BMAL2: variants seen among roughly 807,000 people sequenced by gnomAD.
BMAL2 encodes basic helix-loop-helix ARNT like 2.
the BMAL2 span, among the ~76,000 whole-genome samples, chr12:27,419,923 A>T: frequency 2.0e-5 from 3 of 152,136 alleles, no homozygotes; most frequent in Non-Finnish European, 4.4e-5. Flanking sequence ...CCAAATCTTT[A>T]GAAGATGCTT....
the BMAL2 span, among the ~76,000 whole-genome samples, chr12:27,419,335 G>T: frequency 6.6e-6 from 1 of 152,182 alleles, no homozygotes; most frequent in Non-Finnish European, 1.5e-5. Context: ...CAAGAGTATA[G>T]TGCAGGCATC....
the BMAL2 span, among the ~76,000 whole-genome samples, chr12:27,354,580 A>T: frequency 5.7e-4 from 87 of 152,228 alleles, no homozygotes; most frequent in Middle Eastern, 6.8e-3. Context: ...AATGAGATTT[A>T]AAAAAAACCC....
chr12:27,333,157 G>C, the BMAL2 span: 1 of 1,200,068 alleles, frequency 8.3e-7, no homozygotes, highest in Non-Finnish European at 1.0e-6. Context: ...GGCGTCTGAC[G>C]CGCTGGGGGC....
the BMAL2 span, among the ~76,000 whole-genome samples, chr12:27,388,721 G>A: frequency 6.6e-6 from 1 of 152,154 alleles, no homozygotes; most frequent in Non-Finnish European, 1.5e-5. Flanking sequence ...GGAATGGGAA[G>A]TGAGAGGTAT....
At chr12:27,406,575 A>G in the BMAL2 span, among the ~76,000 whole-genome samples, 1 of 152,240 alleles carries the variant, frequency 6.6e-6, no homozygotes, top group Non-Finnish European at 1.5e-5. Context: ...GGACTGCCTT[A>G]CAAGAGCTCC....
chr12:27,410,140 G>A, the BMAL2 span, among the ~76,000 whole-genome samples: 1 of 151,826 alleles, frequency 6.6e-6, no homozygotes, highest in African/African-American at 2.4e-5. Flanking sequence ...CTTTTACACT[G>A]TTGGTGGGAC....
chr12:27,353,794 A>G, the BMAL2 span, among the ~76,000 whole-genome samples: 28 of 152,358 alleles, frequency 1.8e-4, no homozygotes, highest in Admixed American at 1.6e-3. Context: ...GAAGACATAC[A>G]TGCAGCCAAC....
At chr12:27,351,657 G>A in the BMAL2 span, among the ~76,000 whole-genome samples, 316 of 152,246 alleles carry the variant, frequency 2.1e-3, no homozygotes, top group African/African-American at 7.0e-3. Context: ...ATTATTCAAA[G>A]TAGCCAATTC....
the BMAL2 span, chr12:27,333,285 G>C: frequency 1.7e-6 from 1 of 574,692 alleles, no homozygotes; most frequent in Admixed American, 4.9e-5. Flanking sequence ...TGGGGCACAG[G>C]TGCGGCGCGG....
At chr12:27,385,516 C>T in the BMAL2 span, 1 of 1,606,754 alleles carries the variant, frequency 6.2e-7, no homozygotes, top group Non-Finnish European at 8.5e-7. Flanking sequence ...TAATTATAGA[C>T]CATCATTTCT....
At chr12:27,348,788 A>T in the BMAL2 span, among the ~76,000 whole-genome samples, 7,408 of 152,304 alleles carry the variant, frequency 0.049, 451 homozygotes, top group East Asian at 0.34. Flanking sequence ...TGTGTCTGGG[A>T]TTGTGTTAAG....
chr12:27,389,535 T>C, the BMAL2 span, among the ~76,000 whole-genome samples: 1 of 152,176 alleles, frequency 6.6e-6, no homozygotes, highest in Non-Finnish European at 1.5e-5. Context: ...ATATGAGTGC[T>C]TCATATTTGC....
the BMAL2 span, chr12:27,402,670 A>T: frequency 6.2e-7 from 1 of 1,611,312 alleles, no homozygotes; most frequent in Non-Finnish European, 8.5e-7. Flanking sequence ...GCTCTCAATC[A>T]TCAGAAGGTA....
chr12:27,374,426 C>T, the BMAL2 span, among the ~76,000 whole-genome samples: 5 of 152,088 alleles, frequency 3.3e-5, no homozygotes, highest in South Asian at 8.3e-4. Context: ...GGAGGATGTG[C>T]ATAGGTTGTA....
At chr12:27,413,023 G>T in the BMAL2 span, among the ~76,000 whole-genome samples, 6 of 148,794 alleles carry the variant, frequency 4.0e-5, no homozygotes, top group East Asian at 7.8e-4. Context: ...AGCCAAACAA[G>T]AATACTACAT....
chr12:27,348,451 C>T, the BMAL2 span, among the ~76,000 whole-genome samples: 2 of 151,236 alleles, frequency 1.3e-5, no homozygotes, highest in African/African-American at 4.9e-5. Flanking sequence ...TTAAACTTAA[C>T]AGAAAAAAAG....
chr12:27,369,478 A>G, the BMAL2 span, among the ~76,000 whole-genome samples: 4 of 152,316 alleles, frequency 2.6e-5, no homozygotes, highest in Admixed American at 2.6e-4. Context: ...GGTTGTCTCT[A>G]TTCCCTTAGT....
At chr12:27,396,987 A>G in the BMAL2 span, among the ~76,000 whole-genome samples, 2 of 152,160 alleles carry the variant, frequency 1.3e-5, no homozygotes, top group Admixed American at 6.5e-5. Flanking sequence ...TACATTTTTC[A>G]TATGGTCGTT....
At chr12:27,376,868 T>C in the BMAL2 span, among the ~76,000 whole-genome samples, 18 of 151,486 alleles carry the variant, frequency 1.2e-4, no homozygotes, top group East Asian at 1.9e-4. Context: ...GGCGTGGTGG[T>C]GGGCACCTGT....
Sources: allele counts gnomAD v4.1 joint callset (sites outside exome capture counted in the v4.1 genomes callset), GRCh38; gene constraint gnomAD v4.1.1; transcripts MANE v1.5; gene names NCBI Gene and HGNC (gene_info 2026-07-23, HGNC 2026-07-21).